GPNMB: variants seen among roughly 807,000 people sequenced by gnomAD.
GPNMB encodes glycoprotein nmb, also known as transmembrane glycoprotein NMB.
GPNMB carries 71 observed loss-of-function variants against 57.3 expected under a neutral mutation model. The observed-to-expected ratio is 1.24, with a 90% CI of 1.02 to 1.51. GPNMB has a LOEUF of 1.51. Among genes scored for constraint, GPNMB ranks in the 40% most tolerant of loss-of-function variants. GPNMB has a pLI of 0.00. For synonymous variants in GPNMB, 253 were observed against 263.2 expected (o/e 0.96, Z 0.38); for missense variants, 677 against 691.9 (o/e 0.98, Z 0.24).
At chr7:23,259,415 C>T (rs1331332018) in intron 4 of GPNMB, among the ~76,000 whole-genome samples, 1 of 152,094 alleles carries the variant, frequency 6.6e-6, no homozygotes, top group Admixed American at 6.6e-5. Flanking sequence ...ATCTCCTGAC[C>T]TCGTGATCCG....
rs1331300872 is a variant in GPNMB at position 23,260,460 on chromosome 7, G to A, written c.705G>A (p.Gln235=). 11 of 1,608,408 alleles carry A rather than the reference G, an allele frequency of 6.8e-6. No homozygotes were observed. Among genetic ancestry groups the A allele is most frequent in the Non-Finnish European group, 9.4e-6 (11 of 1,176,200 alleles). The change falls in exon 6 of 11, where the codon CAG becomes CAA. Residue 235 remains glutamine (Q), a synonymous_variant. Coordinates refer to ENST00000258733, the MANE Select transcript of GPNMB (RefSeq NM_002510.3). ...QVKDVYVVTD[Q]IPVFVTMFQK... is the part of the protein sequence containing the mutation. ...TTTGGGGGATGTATCTTTTAGATCA[G>A]ATTCCTGTGTTTGTGACTATGTTCC...
intron 6 of GPNMB, among the ~76,000 whole-genome samples, chr7:23,261,294 A>G (rs1330173861): frequency 6.6e-6 from 1 of 152,244 alleles, no homozygotes; most frequent in East Asian, 1.9e-4. Context: ...TGGGTTAGCA[A>G]GCTGCAGTGA....
At chr7:23,263,603 A>T in intron 6 of GPNMB, among the ~76,000 whole-genome samples, 1 of 145,758 alleles carries the variant, frequency 6.9e-6, no homozygotes, top group African/African-American at 2.6e-5. Flanking sequence ...CAAGAGAGAA[A>T]CTCTGTCTCA....
chr7:23,253,501 T>C lies in GPNMB; in HGVS notation c.223+42T>C, dbSNP rs138559016. 493 of 1,554,558 alleles carry C rather than the reference T, an allele frequency of 3.2e-4. 5 individuals are homozygous for C. The East Asian group carries it at 0.011, about 34-fold the overall frequency. ...AAACCAAACACCTGCAATTTCCTAC[T>C]TCAGTAAGTCTTGTAGATGGTAAAG... is the stretch of plus-strand genomic sequence containing the variant. On this transcript the variant is annotated intron_variant, in intron 2 of 10. Transcript: ENST00000258733.
chr7:23,268,111 T>C, intron 8 of GPNMB, 123 bp downstream of exon 8: 3 of 660,132 alleles, frequency 4.5e-6, no homozygotes, highest in Non-Finnish European at 8.1e-6. Context: ...TTTGAATTCC[T>C]ATTTACTGGT....
In GPNMB at chr7:23,259,833, T is replaced by C. The variant is rs76127498; in HGVS notation, c.542-147T>C. The C allele has an allele frequency of 6.9e-4, 443 of 641,408 alleles. 3 individuals carry two copies. The African/African-American group carries it at 7.4e-3, about 11-fold the overall frequency. 39.7% of individuals were successfully genotyped at this position (641,408 alleles called of 1,614,324 possible). Reference sequence around the variant, plus strand: ...AGATTTTACATTAAAATGAGCACCATCTCCCTTTCTGAAGCAGCACCACAG... The same window carrying C: ...AGATTTTACATTAAAATGAGCACCACCTCCCTTTCTGAAGCAGCACCACAG... On this transcript the variant is annotated intron_variant, in intron 4 of 10. Coordinates refer to ENST00000258733, the MANE Select transcript of GPNMB (RefSeq NM_002510.3).
Position 23,260,548 on chromosome 7 carries a change from G to A in GPNMB, c.793G>A (p.Val265Ile). Residue 265 changes from valine to isoleucine, a missense_variant, in exon 6 of 11, where the codon GTC (valine) becomes ATC (isoleucine). Val to Ile is a conservative substitution (Grantham distance 29, BLOSUM62 3). Transcript: ENST00000258733. ...FLKDLPIMFDVLIHDPSHFLN... is the reference protein window; with the variant it reads ...FLKDLPIMFDILIHDPSHFLN... The stretch of plus-strand genomic sequence containing the variant: ...CAAAGATCTCCCCATTATGTTTGAT[G>A]TCCTGATTCATGATCCTAGCCACTT... The A allele has an allele frequency of 6.2e-7, 1 of 1,613,648 alleles. No individual in the cohort carries two copies. Among genetic ancestry groups the A allele is most frequent in the Non-Finnish European group, 8.5e-7 (1 of 1,179,596 alleles).
At chr7:23,273,883 G>C in intron 10 of GPNMB, 182 bp from the exon 11 acceptor site, 1 of 586,800 alleles carries the variant, frequency 1.7e-6, no homozygotes, top group Non-Finnish European at 3.0e-6. Context: ...TAGTAAGCAG[G>C]CACATTTCTT....
At chr7:23,269,804 C>T (rs1291555816) in intron 8 of GPNMB, among the ~76,000 whole-genome samples, 163 bp from the exon 9 acceptor site, 2 of 152,162 alleles carry the variant, frequency 1.3e-5, no homozygotes, top group Non-Finnish European at 2.9e-5. Context: ...TGCTTAAGAG[C>T]AGATTATAAG....
intron 3 of GPNMB, among the ~76,000 whole-genome samples, chr7:23,254,879 C>T (rs139358662): frequency 1.5e-3 from 222 of 152,218 alleles, no homozygotes; most frequent in African/African-American, 4.9e-3. Flanking sequence ...GCTCAAAAAA[C>T]GGAGTTAATG....
rs531313815 is a variant in GPNMB, at chr7:23,271,760, C to T, written c.1429+1585C>T. Among the ~76,000 whole-genome samples, 9 of 152,202 alleles carry T rather than the reference C, an allele frequency of 5.9e-5. No homozygotes were observed. In the East Asian group the frequency reaches 1.7e-3, roughly 29 times the overall value. The stretch of plus-strand genomic sequence containing the variant: ...GCAGTGAGCTGAGATGAAGACACTG[C>T]ACTCCAGCCTGGCCAACAGAGTGAG... On this transcript the variant is annotated intron_variant, in intron 9 of 10. Transcript: ENST00000258733.
At position 23,270,121 on chromosome 7, in the gene GPNMB, G is replaced by A; in HGVS notation, c.1375G>A (p.Gly459Arg). Residue 459 changes from glycine (G) to arginine (R), a missense_variant, in exon 9 of 11, where the codon GGG (glycine) becomes AGG (arginine). By Grantham distance (125) the Gly-to-Arg change is moderately radical. Coordinates refer to ENST00000258733, the MANE Select transcript of GPNMB (RefSeq NM_002510.3). The stretch of plus-strand genomic sequence containing the variant: ...GACGTACTGTGTGAACCTCACCCTG[G>A]GGGATGACACAAGCCTGGCTCTCAC... The part of the protein sequence containing the change: ...SGTYCVNLTL[G>R]DDTSLALTST... The A allele has an allele frequency of 6.2e-7, 1 of 1,614,134 alleles. No individual in the cohort carries two copies. Among genetic ancestry groups the A allele is most frequent in the South Asian group, 1.1e-5 (1 of 91,078 alleles).
intron 1 of GPNMB, chr7:23,248,078 C>A (rs903328472): frequency 6.6e-6 from 1 of 152,300 alleles, no homozygotes; most frequent in Non-Finnish European, 1.5e-5. Context: ...TCCCCGCCAG[C>A]CTAGGGGCTG....
intron 7 of GPNMB, among the ~76,000 whole-genome samples, chr7:23,266,885 G>A (rs1319813292): frequency 6.6e-6 from 1 of 152,186 alleles, no homozygotes; most frequent in African/African-American, 2.4e-5. Flanking sequence ...TCCCGCCTCT[G>A]CAGCCCAGCC....
At chr7:23,249,638 G>A (rs1052865147) in intron 1 of GPNMB, among the ~76,000 whole-genome samples, 1 of 152,142 alleles carries the variant, frequency 6.6e-6, no homozygotes, top group Non-Finnish European at 1.5e-5. Context: ...TGCATCAATA[G>A]TTTGTTCCTC....
Position 23,254,310 on chromosome 7 carries a change from A to ACTAT in GPNMB, c.365_366insCTAT (p.Glu123TyrfsTer2). 6.2e-7 allele frequency: 1 copy of ACTAT among 1,612,542 alleles called. No homozygotes were observed. The highest frequency in any genetic ancestry group is 8.5e-7 in the Non-Finnish European group (1 of 1,178,670). On this transcript the variant is annotated frameshift_variant and splice_region_variant, in exon 3 of 11. Coordinates refer to ENST00000258733, the MANE Select transcript of GPNMB (RefSeq NM_002510.3). LOFTEE classifies it high-confidence loss of function. ...ATAGTCTATGAGAAGAACTGCAGAA[A>ACTAT]TGGTAAGAACACAGTATTCTCCTAA...
chr7:23,259,439 C>T (rs1782859469), intron 4 of GPNMB, among the ~76,000 whole-genome samples: 2 of 152,146 alleles, frequency 1.3e-5, no homozygotes, highest in Non-Finnish European at 2.9e-5. Flanking sequence ...GCCTCGGCCT[C>T]CCAAAATGCT....
intron 6 of GPNMB, among the ~76,000 whole-genome samples, chr7:23,265,906 C>T (rs911687019): frequency 6.7e-6 from 1 of 148,618 alleles, no homozygotes; most frequent in Non-Finnish European, 1.5e-5. Context: ...TCTAGTATGG[C>T]CAGGTTTATT....
chr7:23,254,525 T>C (rs858275), intron 3 of GPNMB, among the ~76,000 whole-genome samples: 71,781 of 152,064 alleles, frequency 0.47, 18,133 homozygotes, highest in African/African-American at 0.66. Context: ...TGGCTCTCCC[T>C]TGCTTGGAGC....
Sources: allele counts gnomAD v4.1 joint callset (sites outside exome capture counted in the v4.1 genomes callset), GRCh38; gene constraint gnomAD v4.1.1; transcripts MANE v1.5; gene names NCBI Gene and HGNC (gene_info 2026-07-23, HGNC 2026-07-21).